Variants in RPS6KA5 observed in about 807,000 individuals in gnomAD.
The protein encoded by RPS6KA5 is ribosomal protein S6 kinase alpha-5.
RPS6KA5 carries 27 observed loss-of-function variants against 85.5 expected under a neutral mutation model. The ratio of observed to expected loss-of-function variants is 0.32; its 90% CI spans 0.23 to 0.44. The LOEUF (loss-of-function observed/expected upper bound fraction) is 0.44, where lower values mean the gene tolerates loss of function less well. RPS6KA5 is among the 20% of genes least tolerant of loss of function. RPS6KA5 has a pLI of 1.00. For missense variants in RPS6KA5, 811 were observed against 980.9 expected, an observed-to-expected ratio of 0.83 and a Z score of 2.31; for synonymous variants, 334 against 348.2, an observed-to-expected ratio of 0.96 and a Z score of 0.46.
chr14:90,875,950 C>T (rs751177117), intron 14 of RPS6KA5, among the ~76,000 whole-genome samples: 1 of 150,314 alleles, frequency 6.7e-6, no homozygotes, highest in Non-Finnish European at 1.5e-5. Flanking sequence ...AAACCTAATG[C>T]TAAATGATGA....
chr14:90,907,702 A>G (rs1391289892), intron 7 of RPS6KA5, among the ~76,000 whole-genome samples: 3 of 152,202 alleles, frequency 2.0e-5, no homozygotes, highest in Non-Finnish European at 2.9e-5. Context: ...TAAAACAAGG[A>G]AAGAAAGGAA....
In RPS6KA5 at chr14:90,943,143, G is replaced by A; in HGVS notation, c.553C>T (p.Leu185Phe). 3 of 1,611,972 alleles carry A rather than the reference G, an allele frequency of 1.9e-6. No individual in the cohort carries two copies. The highest frequency in any genetic ancestry group is 1.7e-6 in the Non-Finnish European group (2 of 1,178,416). ...AGCACCACATGGCCATTAGAATCAA[G>A]TAGAATATTCTCAAGCTTAATATCA... ...YRDIKLENIL[L>F]DSNGHVVLTD... The change falls in exon 5 of 17, where the codon CTT (leucine) becomes TTT (phenylalanine). Residue 185 changes from leucine to phenylalanine, a missense_variant. Physicochemically the swap from Leu to Phe is conservative, Grantham distance 22. Around this residue, in one of 3 missense-constraint regions of RPS6KA5, gnomAD observed 650 missense variants for 793.4 expected, o/e 0.82. Transcript: ENST00000614987.
intron 14 of RPS6KA5, among the ~76,000 whole-genome samples, chr14:90,883,966 A>G (rs902977424): frequency 2.0e-5 from 3 of 152,210 alleles, no homozygotes; most frequent in African/African-American, 7.2e-5. Flanking sequence ...TTTGGAATGT[A>G]TGAGTACTGA....
chr14:90,939,722 C>A (rs2037470742), intron 5 of RPS6KA5, among the ~76,000 whole-genome samples: 1 of 151,938 alleles, frequency 6.6e-6, no homozygotes, highest in African/African-American at 2.4e-5. Context: ...AAAAACCTGC[C>A]CCCATGATTC....
chr14:90,856,969 A>C lies in RPS6KA5; in HGVS notation c.*15105T>G, dbSNP rs920619915. ...ACCTTTAACTGGTAGTTCTTCAGCCATTCCAAAGGGGCTACAATTTCGAGA... is the reference window on the plus strand; with the variant it reads ...ACCTTTAACTGGTAGTTCTTCAGCCCTTCCAAAGGGGCTACAATTTCGAGA... On this transcript the variant is annotated 3_prime_UTR_variant, in exon 17 of 17. Transcript: ENST00000614987. 1 of 152,830 alleles carries C rather than the reference A, an allele frequency of 6.5e-6. No individual in the cohort carries two copies. Among genetic ancestry groups the C allele is most frequent in the Admixed American group, 6.5e-5 (1 of 15,314 alleles). 9.5% of individuals were successfully genotyped at this position (152,830 alleles called of 1,614,324 possible). A position where few individuals can be genotyped will look rare whatever the true frequency, so the allele number is the denominator to read the frequency against.
intron 14 of RPS6KA5, among the ~76,000 whole-genome samples, chr14:90,889,176 C>A (rs1207976273): frequency 6.6e-6 from 1 of 151,880 alleles, no homozygotes; most frequent in Non-Finnish European, 1.5e-5. Flanking sequence ...CACTTGTAAT[C>A]CCAGCTACTC....
At chr14:90,886,542 C>A (rs2034240180) in intron 14 of RPS6KA5, among the ~76,000 whole-genome samples, 1 of 152,078 alleles carries the variant, frequency 6.6e-6, no homozygotes, top group Non-Finnish European at 1.5e-5. Context: ...GAATTAGTGT[C>A]CTTAAAGGGA....
At chr14:90,929,014 T>C (rs2036829458) in intron 5 of RPS6KA5, among the ~76,000 whole-genome samples, 1 of 152,054 alleles carries the variant, frequency 6.6e-6, no homozygotes, top group African/African-American at 2.4e-5. Flanking sequence ...GTTCCAGGAA[T>C]TGAAAGATGG....
intron 1 of RPS6KA5, among the ~76,000 whole-genome samples, chr14:91,057,328 G>T (rs1220173055): frequency 6.6e-6 from 1 of 152,080 alleles, no homozygotes; most frequent in Non-Finnish European, 1.5e-5. Flanking sequence ...CAAGGCACTG[G>T]TAATACAATA....
intron 1 of RPS6KA5, among the ~76,000 whole-genome samples, chr14:91,023,888 G>A (rs758234430): frequency 6.4e-4 from 97 of 152,132 alleles, no homozygotes; most frequent in Non-Finnish European, 8.1e-4. Flanking sequence ...TGTTTGTTAT[G>A]AGAACTGATA....
chr14:91,023,860 T>C (rs530573351), intron 1 of RPS6KA5, among the ~76,000 whole-genome samples: 48 of 152,344 alleles, frequency 3.2e-4, no homozygotes, highest in African/African-American at 1.1e-3. Context: ...ATAGTATTAA[T>C]AGGATATATC....
chr14:90,965,277 C>T (rs568044269), intron 3 of RPS6KA5, among the ~76,000 whole-genome samples: 3 of 151,634 alleles, frequency 2.0e-5, no homozygotes, highest in Non-Finnish European at 2.9e-5. Context: ...CCCAGGTACT[C>T]GGGAGGCTGA....
At chr14:91,004,858 C>G (rs1041922082) in intron 1 of RPS6KA5, among the ~76,000 whole-genome samples, 1 of 152,008 alleles carries the variant, frequency 6.6e-6, no homozygotes, top group Admixed American at 6.6e-5. Flanking sequence ...GTCCCAGCTC[C>G]TCGGGAGGCT....
intron 2 of RPS6KA5, among the ~76,000 whole-genome samples, chr14:90,999,549 G>C (rs2040690502): frequency 6.6e-6 from 1 of 152,198 alleles, no homozygotes; most frequent in Non-Finnish European, 1.5e-5. Context: ...TTTGTATCTT[G>C]ACCTGATGGG....
chr14:90,907,293 A>G (rs1458029215), intron 7 of RPS6KA5, among the ~76,000 whole-genome samples: 1 of 152,250 alleles, frequency 6.6e-6, no homozygotes, highest in Non-Finnish European at 1.5e-5. Context: ...GTTAGAATAT[A>G]GACTTTGGAG....
In RPS6KA5 at chr14:90,857,788, C is replaced by T. The variant is rs2032359708; in HGVS notation, c.*14286G>A. On this transcript the variant is annotated 3_prime_UTR_variant, in exon 17 of 17. Transcript: ENST00000614987. ...AATTACCACAAGTCCGACTCGGCAA[C>T]CATTTAGTAGCCTTTCTATAAAAAC... 6.6e-6 allele frequency: 1 copy of T among 152,194 alleles called. No homozygotes were observed. Among genetic ancestry groups the T allele is most frequent in the African/African-American group, 2.4e-5 (1 of 41,444 alleles). The allele number at this position is 152,194 out of a possible 1,614,324, so 9.4% of individuals were successfully genotyped here.
At chr14:91,046,430 T>TA (rs1251724789) in intron 1 of RPS6KA5, among the ~76,000 whole-genome samples, 2 of 152,134 alleles carry the variant, frequency 1.3e-5, no homozygotes, top group Admixed American at 6.6e-5. Context: ...AGTATAAAGG[T>TA]AAAAAACATA....
intron 1 of RPS6KA5, among the ~76,000 whole-genome samples, chr14:91,002,296 C>CA (rs1246837037): frequency 6.6e-6 from 1 of 151,948 alleles, no homozygotes; most frequent in Non-Finnish European, 1.5e-5. Flanking sequence ...ACACATACGT[C>CA]AAAAGCAAAT....
At chr14:90,932,361 A>G (rs2037030500) in intron 5 of RPS6KA5, among the ~76,000 whole-genome samples, 1 of 152,106 alleles carries the variant, frequency 6.6e-6, no homozygotes, top group African/African-American at 2.4e-5. Context: ...TTGAGTCTCA[A>G]ACTCCTGGGC....
Sources: allele counts gnomAD v4.1 joint callset (sites outside exome capture counted in the v4.1 genomes callset), GRCh38; gene constraint gnomAD v4.1.1; regional missense constraint gnomAD v4.1.1; transcripts MANE v1.5; gene names NCBI Gene and HGNC (gene_info 2026-07-23, HGNC 2026-07-21).